The following DYNAP variants were observed in gnomAD, a reference collection of about 807,000 sequenced individuals.
The protein encoded by DYNAP is dynactin associated protein, also known as dynactin-associated protein.
Under a neutral mutation model 8.5 loss-of-function variants are expected in DYNAP, and 7 were observed. The ratio of observed to expected loss-of-function variants is 0.82; its 90% confidence interval spans 0.47 to 1.54. DYNAP has a LOEUF of 1.54. DYNAP is among the 40% of genes most tolerant of loss of function. DYNAP has a pLI of 0.01. For synonymous variants in DYNAP, 77 were observed against 77.9 expected (o/e 0.99, Z 0.06); for missense variants, 256 against 224.3 (o/e 1.14, Z -0.90).
chr18:54,576,519 C>T, the DYNAP span, among the ~76,000 whole-genome samples: 2 of 152,034 alleles, frequency 1.3e-5, no homozygotes, highest in Non-Finnish European at 2.9e-5. Context: ...ACAAAACTAA[C>T]CCAGCACAGT....
chr18:54,591,206 T>C, upstream of DYNAP: 2 of 1,610,550 alleles, frequency 1.2e-6, no homozygotes, highest in Non-Finnish European at 1.7e-6. Context: ...AATTGTTTCA[T>C]GGTTGCAGAT....
At chr18:54,579,509 T>A in the DYNAP span, among the ~76,000 whole-genome samples, 3 of 152,212 alleles carry the variant, frequency 2.0e-5, no homozygotes, top group African/African-American at 7.2e-5. Context: ...GGAGCCAAAC[T>A]CTTGCCTTGA....
chr18:54,589,530 T>C (rs1469264511), upstream of DYNAP, among the ~76,000 whole-genome samples: 2 of 152,240 alleles, frequency 1.3e-5, no homozygotes, highest in African/African-American at 2.4e-5. Context: ...ATGTGTTGTC[T>C]CATTTTTATG....
intron 2 of DYNAP, among the ~76,000 whole-genome samples, chr18:54,596,568 A>G (rs1911299523): frequency 6.6e-6 from 1 of 152,184 alleles, no homozygotes; most frequent in Non-Finnish European, 1.5e-5. Flanking sequence ...ATCTAGTCCC[A>G]TTAAATCATT....
chr18:54,580,985 A>G, the DYNAP span, among the ~76,000 whole-genome samples: 1 of 152,248 alleles, frequency 6.6e-6, no homozygotes, highest in African/African-American at 2.4e-5. Flanking sequence ...AATCTTTATT[A>G]ACATGGTTGG....
chr18:54,577,800 C>T, the DYNAP span, among the ~76,000 whole-genome samples: 2 of 151,592 alleles, frequency 1.3e-5, no homozygotes, highest in African/African-American at 4.8e-5. Flanking sequence ...AACCCGGTCT[C>T]TACTAAAAAT....
chr18:54,588,788 A>G (rs1011836947), upstream of DYNAP, among the ~76,000 whole-genome samples: 2 of 152,200 alleles, frequency 1.3e-5, no homozygotes, highest in African/African-American at 4.8e-5. Flanking sequence ...GTTGTGAAAA[A>G]AATATATGAA....
chr18:54,593,864 G>T (rs1911180134), intron 1 of DYNAP, among the ~76,000 whole-genome samples: 1 of 152,092 alleles, frequency 6.6e-6, no homozygotes, highest in Non-Finnish European at 1.5e-5. Flanking sequence ...GCCTTGGGAG[G>T]TCGAGGTTTC....
chr18:54,583,613 A>G (rs930173685), upstream of DYNAP, among the ~76,000 whole-genome samples: 3 of 152,364 alleles, frequency 2.0e-5, no homozygotes, highest in Middle Eastern at 6.8e-3. Context: ...ACAATTATTG[A>G]CAGAGTTATG....
chr18:54,585,712 C>T (rs1910852401), upstream of DYNAP, among the ~76,000 whole-genome samples: 1 of 152,218 alleles, frequency 6.6e-6, no homozygotes, highest in Non-Finnish European at 1.5e-5. Flanking sequence ...CTCACCAGCT[C>T]CTCTGAGCTG....
chr18:54,578,200 A>C, the DYNAP span, among the ~76,000 whole-genome samples: 1 of 152,174 alleles, frequency 6.6e-6, no homozygotes, highest in Non-Finnish European at 1.5e-5. Flanking sequence ...ACTGGCCCTG[A>C]ACTTTAGAGG....
chr18:54,595,204 T>A, intron 2 of DYNAP, 101 bp downstream of exon 2: 2 of 1,295,378 alleles, frequency 1.5e-6, no homozygotes, highest in Non-Finnish European at 2.1e-6. Context: ...ATTACTTAAT[T>A]CATTTATATT....
chr18:54,576,462 G>C, the DYNAP span, among the ~76,000 whole-genome samples: 1 of 152,024 alleles, frequency 6.6e-6, no homozygotes, highest in South Asian at 2.1e-4. Context: ...AAGTTTTATG[G>C]GTATCTAGGC....
At chr18:54,589,711 G>A (rs1260282933), upstream of DYNAP, among the ~76,000 whole-genome samples, 1 of 152,068 alleles carries the variant, frequency 6.6e-6, no homozygotes, top group African/African-American at 2.4e-5. Context: ...TAGTAATGGA[G>A]TTTCACTTCC....
chr18:54,582,392 A>G, the DYNAP span, among the ~76,000 whole-genome samples: 1 of 152,210 alleles, frequency 6.6e-6, no homozygotes, highest in Non-Finnish European at 1.5e-5. Flanking sequence ...TCTAATTTGT[A>G]ATTTCTGTTA....
the DYNAP span, among the ~76,000 whole-genome samples, chr18:54,580,107 C>T: frequency 6.6e-6 from 1 of 152,200 alleles, no homozygotes; most frequent in Non-Finnish European, 1.5e-5. Context: ...ATTTCAGCTG[C>T]ACTGAATGAT....
rs562091292 is a variant in DYNAP, at chr18:54,593,867, G to A, written c.58-1072G>A. Among the ~76,000 whole-genome samples the A allele has an allele frequency of 6.6e-5, 10 of 152,178 alleles. No individual in the cohort carries two copies. In the East Asian group the frequency reaches 1.2e-3, roughly 18 times the overall value. ...AGGACTGCTTGAGCCTTGGGAGGTC[G>A]AGGTTTCAGTGAACCATGACTGTGT... On this transcript the variant is annotated intron_variant, in intron 1 of 2. Transcript: ENST00000648945.
At chr18:54,596,634 C>T (rs537177314) in intron 2 of DYNAP, among the ~76,000 whole-genome samples, 25 of 152,160 alleles carry the variant, frequency 1.6e-4, no homozygotes, top group African/African-American at 5.5e-4. Flanking sequence ...AGAACTCATA[C>T]GGTTTTTGCC....
intron 2 of DYNAP, 144 bp downstream of exon 2, chr18:54,595,247 G>A: frequency 1.1e-6 from 1 of 945,828 alleles, no homozygotes; most frequent in East Asian, 3.2e-5. Flanking sequence ...CTCAGTATAG[G>A]TACAAGTCAC....
Sources: gnomAD v4.1 joint callset for allele counts (sites outside exome capture counted in the v4.1 genomes callset) on GRCh38, gnomAD v4.1.1 for gene constraint, MANE v1.5 for transcripts, NCBI Gene and HGNC (gene_info 2026-07-23, HGNC 2026-07-21) for gene names.